Variants in KIF26B observed in about 807,000 individuals in gnomAD.
The protein encoded by KIF26B is kinesin-like protein KIF26B.
Under a neutral mutation model 151.2 loss-of-function variants are expected in KIF26B, and 63 were observed. The ratio of observed to expected loss-of-function variants is 0.42; its 90% CI spans 0.34 to 0.51. The LOEUF (loss-of-function observed/expected upper bound fraction) is 0.51. Ranked by LOEUF, KIF26B falls within the 20% of genes least tolerant of loss-of-function variation. The pLI is 0.07. For synonymous variants in KIF26B, 1,357 were observed against 1,262.1 expected (o/e 1.08, Z -1.59); for missense variants, 2,813 against 2,913.6 (o/e 0.97, Z 0.79).
intron 2 of KIF26B, among the ~76,000 whole-genome samples, chr1:245,285,031 C>T (rs1214665192): frequency 6.6e-6 from 1 of 152,196 alleles, no homozygotes; most frequent in Non-Finnish European, 1.5e-5. Context: ...AAGAGCGCAA[C>T]TCTGTCTCAA....
At chr1:245,203,678 A>G (rs887502897) in intron 2 of KIF26B, among the ~76,000 whole-genome samples, 2 of 152,250 alleles carry the variant, frequency 1.3e-5, no homozygotes, top group East Asian at 1.9e-4. Flanking sequence ...TGGTGCATGC[A>G]GTTTTTGATG....
At chr1:245,282,316 G>A (rs959833046) in intron 2 of KIF26B, among the ~76,000 whole-genome samples, 1 of 152,164 alleles carries the variant, frequency 6.6e-6, no homozygotes, top group Non-Finnish European at 1.5e-5. Context: ...AACAAAGCTG[G>A]AGGCATCACA....
At chr1:245,304,699 CTCCATCCATCCATCCATCCATCCA>C in intron 2 of KIF26B, among the ~76,000 whole-genome samples, 1 of 150,656 alleles carries the variant, frequency 6.6e-6, no homozygotes, top group East Asian at 1.9e-4. Context: ...ACGTCCATCC[CTCCATCCATCCATCCATCCATCCA>C]TCCGTCTACC....
At chr1:245,368,269 A>C (rs1163549647) in intron 3 of KIF26B, among the ~76,000 whole-genome samples, 2 of 152,190 alleles carry the variant, frequency 1.3e-5, no homozygotes, top group Non-Finnish European at 2.9e-5. Context: ...GAAATAAAAC[A>C]CAGGTCTTAA....
intron 2 of KIF26B, among the ~76,000 whole-genome samples, chr1:245,327,855 G>A (rs1672023637): frequency 6.6e-6 from 1 of 152,182 alleles, no homozygotes; most frequent in Non-Finnish European, 1.5e-5. Flanking sequence ...TTTTATGAAG[G>A]TAATATTTTC....
At chr1:245,623,032 T>G (rs1209839796) in intron 9 of KIF26B, among the ~76,000 whole-genome samples, 3 of 127,170 alleles carry the variant, frequency 2.4e-5, no homozygotes, top group Admixed American at 9.1e-5. Context: ...GCAAGTTTTT[T>G]TTTTTTTTTT....
At chr1:245,655,921 A>G (rs1328212983) in intron 10 of KIF26B, among the ~76,000 whole-genome samples, 3 of 152,334 alleles carry the variant, frequency 2.0e-5, no homozygotes, top group African/African-American at 7.2e-5. Flanking sequence ...TCTGTCATCC[A>G]TAGAACTCGG....
Position 245,685,695 on chromosome 1 carries a change from G to T in KIF26B, c.2712G>T (p.Arg904=). 1.2e-6 allele frequency: 2 copies of T among 1,612,960 alleles called. No homozygotes were observed. Among genetic ancestry groups the T allele is most frequent in the Non-Finnish European group, 1.7e-6 (2 of 1,179,790 alleles). The change falls in exon 12 of 15, where the codon CGG becomes CGT. Residue 904 remains arginine (R), a synonymous_variant. Transcript: ENST00000407071. ...TGCAGAAGACCCGGGGCGACAGCCG[G>T]CCCGCAGAGGCAGGAGAGGCTGCAG... ...PALQKTRGDS[R]PAEAGEAAAG...
At chr1:245,359,354 G>A (rs1672766640) in intron 2 of KIF26B, among the ~76,000 whole-genome samples, 1 of 152,068 alleles carries the variant, frequency 6.6e-6, no homozygotes, top group Admixed American at 6.6e-5. Context: ...GGAAAAGGTT[G>A]GCAGCTCCTA....
intron 2 of KIF26B, among the ~76,000 whole-genome samples, chr1:245,299,995 G>A (rs1464336487): frequency 6.6e-6 from 1 of 152,202 alleles, no homozygotes; most frequent in Non-Finnish European, 1.5e-5. Flanking sequence ...CATTGTTCCA[G>A]CAGGGAAACT....
At chr1:245,160,257 A>G (rs1408942158) in intron 2 of KIF26B, among the ~76,000 whole-genome samples, 1 of 152,204 alleles carries the variant, frequency 6.6e-6, no homozygotes, top group Non-Finnish European at 1.5e-5. Flanking sequence ...CTGGGTTTAT[A>G]TCGTTTCTCT....
chr1:245,271,937 C>T (rs1439701706), intron 2 of KIF26B, among the ~76,000 whole-genome samples: 2 of 152,108 alleles, frequency 1.3e-5, no homozygotes, highest in Non-Finnish European at 2.9e-5. Flanking sequence ...GGCATTAATT[C>T]TTTAAATATT....
intron 2 of KIF26B, among the ~76,000 whole-genome samples, chr1:245,256,253 T>C (rs756769590): frequency 4.6e-5 from 7 of 152,186 alleles, no homozygotes; most frequent in Admixed American, 6.5e-5. Context: ...ATGGCTAACA[T>C]TTTGGGATTT....
At chr1:245,413,561 G>T (rs1674339087) in intron 3 of KIF26B, among the ~76,000 whole-genome samples, 1 of 152,186 alleles carries the variant, frequency 6.6e-6, no homozygotes, top group African/African-American at 2.4e-5. Flanking sequence ...TACTCAGGAG[G>T]CTGAGGCGGG....
rs768280056 is a variant in KIF26B at position 245,540,762 on chromosome 1, T to G, written c.1167-5T>G. ...TTCCCCTTATTGTTCCTTTTTCCAC[T>G]CCAGAGCTGCCCAGAAGTTAAATCT... On this transcript the variant is annotated splice_region_variant and splice_polypyrimidine_tract_variant and intron_variant, in intron 4 of 14. Transcript: ENST00000407071. This position sits in a 1 kb window ranked among gnomAD's most constrained non-coding sequence, Gnocchi z 4.6. 4.3e-6 allele frequency: 7 copies of G among 1,613,324 alleles called. No individual in the cohort carries two copies. The highest frequency in any genetic ancestry group is 5.9e-6 in the Non-Finnish European group (7 of 1,179,368).
chr1:245,399,998 C>A (rs76494520), intron 3 of KIF26B, among the ~76,000 whole-genome samples: 1,947 of 152,128 alleles, frequency 0.013, 49 homozygotes, highest in African/African-American at 0.045. Flanking sequence ...TTCAAAATAA[C>A]CTTTATAGAT....
chr1:245,498,669 T>C (rs1318496566), intron 4 of KIF26B, among the ~76,000 whole-genome samples: 1 of 152,228 alleles, frequency 6.6e-6, no homozygotes, highest in Non-Finnish European at 1.5e-5. Flanking sequence ...TGGTCATTAA[T>C]ATTTCACTTC....
chr1:245,354,650 C>T (rs1672643447), intron 2 of KIF26B, among the ~76,000 whole-genome samples: 3 of 152,168 alleles, frequency 2.0e-5, no homozygotes, highest in South Asian at 4.1e-4. Context: ...CCACCTTGGG[C>T]GTGGCCATAC....
intron 4 of KIF26B, among the ~76,000 whole-genome samples, chr1:245,462,859 TG>T (rs1659680611): frequency 6.6e-6 from 1 of 151,706 alleles, no homozygotes; most frequent in Non-Finnish European, 1.5e-5. Flanking sequence ...AATGAATGAA[TG>T]AATGAATGAA....
Sources: gnomAD v4.1 joint callset for allele counts (sites outside exome capture counted in the v4.1 genomes callset) on GRCh38, gnomAD v4.1.1 for gene constraint, Gnocchi (gnomAD v3.1) non-coding constraint, MANE v1.5 for transcripts, NCBI Gene and HGNC (gene_info 2026-07-23, HGNC 2026-07-21) for gene names.